Variants in CPNE5 observed in about 807,000 individuals in gnomAD.
CPNE5 encodes the protein copine-5.
CPNE5 carries 42 observed loss-of-function variants against 81.1 expected under a neutral mutation model. That is an observed-to-expected ratio of 0.52 (90% CI 0.40 to 0.67). The LOEUF (loss-of-function observed/expected upper bound fraction) is 0.67, where lower values mean the gene tolerates loss of function less well. Ranked by LOEUF, CPNE5 falls within the 30% of genes least tolerant of loss-of-function variation. CPNE5 has a pLI of 0.00. For missense variants in CPNE5, 612 were observed against 815.5 expected (o/e 0.75, Z 3.04); for synonymous variants, 313 against 321.5 (o/e 0.97, Z 0.28).
rs751696503 is a variant in CPNE5 at position 36,742,277 on chromosome 6, C to A, written c.1773G>T (p.Thr591=). ...CCTGCTGAGACCAGGTTCAGATGTGCGTGTGCAGGGGGGACGCAGGGGGCG... is the reference window on the plus strand; with the variant it reads ...CCTGCTGAGACCAGGTTCAGATGTGAGTGTGCAGGGGGGACGCAGGGGGCG... ...ARTPPASPLH[T]HI is the part of the protein sequence containing the mutation. Residue 591 remains threonine (T), a synonymous_variant, in exon 21 of 21, where the codon ACG becomes ACT. Coordinates refer to ENST00000244751, the MANE Select transcript of CPNE5 (RefSeq NM_020939.2). 4 of 1,584,498 alleles carry A rather than the reference C, an allele frequency of 2.5e-6. No individual in the cohort carries two copies. The highest frequency in any genetic ancestry group is 3.4e-6 in the Non-Finnish European group (4 of 1,167,126).
intron 9 of CPNE5, among the ~76,000 whole-genome samples, chr6:36,776,775 G>A (rs1163568964): frequency 2.0e-5 from 3 of 152,140 alleles, no homozygotes; most frequent in Non-Finnish European, 4.4e-5. Flanking sequence ...GGCACAGCAG[G>A]TGCCTCCTTG....
At chr6:36,785,250 CA>C (rs1768424429) in intron 8 of CPNE5, among the ~76,000 whole-genome samples, 1 of 151,974 alleles carries the variant, frequency 6.6e-6, no homozygotes, top group South Asian at 2.1e-4. Flanking sequence ...GGTTGGAGGT[CA>C]GGGGGAGAAC....
intron 10 of CPNE5, among the ~76,000 whole-genome samples, chr6:36,765,949 G>C (rs1024881749): frequency 1.3e-5 from 2 of 152,194 alleles, no homozygotes; most frequent in Non-Finnish European, 2.9e-5. Flanking sequence ...TTTTAGCCTG[G>C]CTGCTTTAAT....
At chr6:36,777,753 A>ACCTC (rs1767640435) in intron 9 of CPNE5, among the ~76,000 whole-genome samples, 2 of 113,726 alleles carry the variant, frequency 1.8e-5, no homozygotes, top group African/African-American at 7.3e-5. Context: ...TCCCCTGCCT[A>ACCTC]CCCCCCCCCC....
chr6:36,799,418 A>G (rs1437749095), intron 4 of CPNE5, among the ~76,000 whole-genome samples: 2 of 152,114 alleles, frequency 1.3e-5, no homozygotes, highest in African/African-American at 4.8e-5. Context: ...CCCATACCCC[A>G]TAAAAACAAC....
At chr6:36,760,073 AG>A (rs1765872068) in intron 12 of CPNE5, among the ~76,000 whole-genome samples, 1 of 150,102 alleles carries the variant, frequency 6.7e-6, no homozygotes, top group Non-Finnish European at 1.5e-5. Context: ...AAAAATCGCC[AG>A]GGTGGTGGTG....
At chr6:36,771,586 A>G (rs1462653806) in intron 10 of CPNE5, among the ~76,000 whole-genome samples, 1 of 152,122 alleles carries the variant, frequency 6.6e-6, no homozygotes, top group Non-Finnish European at 1.5e-5. Context: ...GGAGCAACCT[A>G]AGAGGGAGGC....
chr6:36,827,098 C>A (rs1249986852), intron 1 of CPNE5, among the ~76,000 whole-genome samples: 2 of 152,126 alleles, frequency 1.3e-5, no homozygotes, highest in African/African-American at 4.8e-5. Flanking sequence ...AAGGAAGAAG[C>A]CCGCCCCCAA....
At chr6:36,837,024 C>A (rs1436724474) in intron 1 of CPNE5, among the ~76,000 whole-genome samples, 2 of 152,228 alleles carry the variant, frequency 1.3e-5, no homozygotes, top group African/African-American at 4.8e-5. Context: ...AGAACCACAT[C>A]CCCCAGGAAG....
At chr6:36,807,349 C>T (rs236399) in intron 3 of CPNE5, among the ~76,000 whole-genome samples, 50,448 of 152,070 alleles carry the variant, frequency 0.33, 9,702 homozygotes, top group African/African-American at 0.52. Flanking sequence ...CAGTTTCCTC[C>T]TCTGTAAAAT....
chr6:36,776,288 G>A (rs1056657237), intron 9 of CPNE5, among the ~76,000 whole-genome samples: 2 of 152,204 alleles, frequency 1.3e-5, no homozygotes, highest in African/African-American at 2.4e-5. Flanking sequence ...CCACACAGCC[G>A]GTGTCATTTC....
At position 36,774,943 on chromosome 6, in the gene CPNE5, G is replaced by T; in HGVS notation, c.737+18C>A. 6.3e-7 allele frequency: 1 copy of T among 1,593,932 alleles called. No homozygotes were observed. The highest frequency in any genetic ancestry group is 8.6e-7 in the Non-Finnish European group (1 of 1,161,932). Reference sequence around the variant, plus strand: ...CCAGAAGCAGAAGGAAAAAAGAAGGGACATTTTCTCATCTCACCGATCGTA... The same window carrying T: ...CCAGAAGCAGAAGGAAAAAAGAAGGTACATTTTCTCATCTCACCGATCGTA... On this transcript the variant is annotated intron_variant, in intron 10 of 20. Coordinates refer to ENST00000244751, the MANE Select transcript of CPNE5 (RefSeq NM_020939.2).
chr6:36,778,160 G>A (rs1344171571), intron 9 of CPNE5, among the ~76,000 whole-genome samples: 2 of 152,204 alleles, frequency 1.3e-5, no homozygotes, highest in East Asian at 3.8e-4. Flanking sequence ...CACTTGCCCA[G>A]GGTCACACAA....
intron 14 of CPNE5, among the ~76,000 whole-genome samples, chr6:36,750,735 C>T (rs1026916498): frequency 4.6e-5 from 7 of 152,120 alleles, no homozygotes; most frequent in African/African-American, 1.7e-4. Context: ...GGGTGAAAGT[C>T]CCGCTCCCAG....
intron 12 of CPNE5, among the ~76,000 whole-genome samples, chr6:36,759,437 C>T (rs993219424): frequency 6.6e-6 from 1 of 151,790 alleles, no homozygotes; most frequent in Non-Finnish European, 1.5e-5. Context: ...CTGGAATCTG[C>T]CCTCCTGCGC....
At chr6:36,818,709 G>A (rs1771778955) in intron 3 of CPNE5, among the ~76,000 whole-genome samples, 1 of 152,170 alleles carries the variant, frequency 6.6e-6, no homozygotes, top group South Asian at 2.1e-4. Flanking sequence ...CTGGAGCCAG[G>A]AGCAAGCACA....
At chr6:36,827,476 T>C (rs1772602069) in intron 1 of CPNE5, 1 of 984,786 alleles carries the variant, frequency 1.0e-6, no homozygotes, top group East Asian at 1.1e-4. Context: ...AGAGGCCATG[T>C]TTATCCAAGT....
intron 4 of CPNE5, 109 bp downstream of exon 4, chr6:36,799,857 TG>T: frequency 1.3e-6 from 1 of 774,724 alleles, no homozygotes; most frequent in Non-Finnish European, 2.2e-6. Flanking sequence ...AGGCCAACCC[TG>T]GGCTCCCACT....
intron 7 of CPNE5, chr6:36,792,575 G>A: frequency 2.3e-6 from 1 of 444,124 alleles, no homozygotes; most frequent in South Asian, 1.6e-5. Flanking sequence ...AGGGCTGGTG[G>A]GCCCTCGCTG....
Sources: allele counts gnomAD v4.1 joint callset (sites outside exome capture counted in the v4.1 genomes callset), GRCh38; gene constraint gnomAD v4.1.1; transcripts MANE v1.5; gene names NCBI Gene and HGNC (gene_info 2026-07-23, HGNC 2026-07-21).